Variants in ZZEF1 observed in about 807,000 individuals in gnomAD.
The protein encoded by ZZEF1 is zinc finger ZZ-type and EF-hand domain containing 1.
Under a neutral mutation model 342.8 loss-of-function variants are expected in ZZEF1, and 157 were observed. The ratio of observed to expected loss-of-function variants is 0.46; its 90% CI spans 0.40 to 0.52. The LOEUF (loss-of-function observed/expected upper bound fraction) is 0.52. Ranked by LOEUF, ZZEF1 falls within the 20% of genes least tolerant of loss-of-function variation. ZZEF1 has a pLI of 0.00. For synonymous variants in ZZEF1, 1,505 were observed against 1,429.1 expected (o/e 1.05, Z -1.20); for missense variants, 3,480 against 3,725.6 (o/e 0.93, Z 1.72).
chr17:4,098,826 T>C (rs16953702), intron 9 of ZZEF1, among the ~76,000 whole-genome samples: 2,162 of 152,328 alleles, frequency 0.014, 51 homozygotes, highest in African/African-American at 0.05. Flanking sequence ...ATGATCTAGT[T>C]CTATGAAAGA....
intron 52 of ZZEF1, among the ~76,000 whole-genome samples, chr17:4,012,051 C>T (rs944829584): frequency 3.3e-5 from 5 of 152,220 alleles, no homozygotes; most frequent in African/African-American, 4.8e-5. Context: ...GCGGGATTGT[C>T]CCCACTGGAA....
At position 4,070,601 on chromosome 17, in the gene ZZEF1, T is replaced by C. The variant is rs949179064; in HGVS notation, c.4075+83A>G. On this transcript the variant is annotated intron_variant, in intron 26 of 54. Coordinates refer to ENST00000381638, the MANE Select transcript of ZZEF1 (RefSeq NM_015113.4). Reference sequence around the variant, plus strand: ...AGAAATGTGTTTATATTTTAAAATATTTTAAATGTTCACTTAAGATAGGCT... The same window carrying C: ...AGAAATGTGTTTATATTTTAAAATACTTTAAATGTTCACTTAAGATAGGCT... The C allele has an allele frequency of 6.8e-5, 97 of 1,435,690 alleles. No homozygotes were observed. Among genetic ancestry groups the C allele is most frequent in the Non-Finnish European group, 8.1e-5 (86 of 1,062,902 alleles). 88.9% of individuals were successfully genotyped at this position (1,435,690 alleles called of 1,614,324 possible).
In ZZEF1 at chr17:4,064,797, G is replaced by T; in HGVS notation, c.4282C>A (p.Leu1428Ile). ...CTTATGCCCGTGGGCAGAAATTTTAGTAATAGAAGACTCTTCTCAATGCAC... is the reference window on the plus strand; with the variant it reads ...CTTATGCCCGTGGGCAGAAATTTTATTAATAGAAGACTCTTCTCAATGCAC... ...KECIEKSLLL[L>I]KFLPTGISSK... is the part of the protein sequence containing the mutation. Residue 1428 changes from leucine to isoleucine, a missense_variant, in exon 29 of 55, where the codon CTA (leucine) becomes ATA (isoleucine). Physicochemically the swap from Leu to Ile is conservative, Grantham distance 5 (BLOSUM62 2). This residue lies in a region of ZZEF1 where 1,528 missense variants were observed against 1,624.1 expected (regional missense o/e 0.94). Coordinates refer to ENST00000381638, the MANE Select transcript of ZZEF1 (RefSeq NM_015113.4). The T allele has an allele frequency of 6.5e-7, 1 of 1,533,716 alleles. No individual in the cohort carries two copies. Among genetic ancestry groups the T allele is most frequent in the Non-Finnish European group, 8.8e-7 (1 of 1,132,040 alleles).
chr17:4,012,043 G>A (rs1474424931), intron 52 of ZZEF1, among the ~76,000 whole-genome samples: 1 of 152,222 alleles, frequency 6.6e-6, no homozygotes, highest in Non-Finnish European at 1.5e-5. Flanking sequence ...CAGAGGGTGC[G>A]GGATTGTCCC....
chr17:4,049,189 T>C (rs1255159798), intron 37 of ZZEF1, among the ~76,000 whole-genome samples: 1 of 152,124 alleles, frequency 6.6e-6, no homozygotes. Context: ...ATGTTACAAG[T>C]ATATCATCAT....
At chr17:4,018,761 C>A (rs1272535113) in intron 46 of ZZEF1, among the ~76,000 whole-genome samples, 1 of 152,108 alleles carries the variant, frequency 6.6e-6, no homozygotes, top group East Asian at 1.9e-4. Flanking sequence ...TGTGCTGATG[C>A]CCCTGGGTTC....
chr17:4,043,249 G>A (rs1427482082), intron 38 of ZZEF1, among the ~76,000 whole-genome samples: 1 of 152,158 alleles, frequency 6.6e-6, no homozygotes, highest in Non-Finnish European at 1.5e-5. Context: ...AGCACCTAGA[G>A]GTGTTTCTGG....
Position 4,096,794 on chromosome 17 carries a change from T to C in ZZEF1, c.1673-94A>G, listed in dbSNP as rs1375947396. 8 of 1,003,798 alleles carry C rather than the reference T, an allele frequency of 8.0e-6. No homozygotes were observed. The Admixed American group carries it at 1.1e-4, about 14-fold the overall frequency. 62.2% of individuals were successfully genotyped at this position (1,003,798 alleles called of 1,614,324 possible). On this transcript the variant is annotated intron_variant, in intron 9 of 54. Coordinates refer to ENST00000381638, the MANE Select transcript of ZZEF1 (RefSeq NM_015113.4). Reference sequence around the variant, plus strand: ...AAAACAAACCATATCCTTTGAGTCATGGGGGGTAACTGGTCTGATATCTTC... The same window carrying C: ...AAAACAAACCATATCCTTTGAGTCACGGGGGGTAACTGGTCTGATATCTTC...
At chr17:4,076,589 C>G in intron 21 of ZZEF1, 48 bp downstream of exon 21, 1 of 1,577,642 alleles carries the variant, frequency 6.3e-7, no homozygotes, top group Non-Finnish European at 8.6e-7. Context: ...TGTGTCCCAT[C>G]ACTCCTGAGA....
At chr17:4,132,308 G>T (rs140525316) in intron 1 of ZZEF1, among the ~76,000 whole-genome samples, 1 of 151,036 alleles carries the variant, frequency 6.6e-6, no homozygotes, top group Non-Finnish European at 1.5e-5. Context: ...CTCAGCCTCC[G>T]AAGTAGCTGG....
Position 4,021,302 on chromosome 17 carries a change from A to G in ZZEF1, c.7231T>C (p.Tyr2411His). 1 of 1,609,446 alleles carries G rather than the reference A, an allele frequency of 6.2e-7. No individual in the cohort carries two copies. The change falls in exon 45 of 55, where the codon TAC (tyrosine) becomes CAC (histidine). Residue 2411 changes from tyrosine (Y) to histidine (H), a missense_variant. This residue lies in a region of ZZEF1 where 1,269 missense variants were observed against 1,342.4 expected (regional missense o/e 0.95). Transcript: ENST00000381638. ...GCGTTGATCTCCTTTTTTGAGGAGTACAGCATGATGGACAAAATCTACACA... is the reference window on the plus strand; with the variant it reads ...GCGTTGATCTCCTTTTTTGAGGAGTGCAGCATGATGGACAAAATCTACACA... ...RDLEILSIMLYSSKKEINALA... is the reference protein window; with the variant it reads ...RDLEILSIMLHSSKKEINALA...
Position 4,025,105 on chromosome 17 carries a change from C to T in ZZEF1, c.6906G>A (p.Gln2302=). 1 of 1,614,120 alleles carries T rather than the reference C, an allele frequency of 6.2e-7. No homozygotes were observed. Among genetic ancestry groups the T allele is most frequent in the Non-Finnish European group, 8.5e-7 (1 of 1,180,030 alleles). ...CTTGTCCTCCTCCCTTCTGGACCAG[C>T]TGGTAGTCCTTCACTGAAGGGTGAC... ...TRKRKTVKDY[Q]LVQKGGGQEC... is the part of the protein sequence containing the mutation. Residue 2302 remains glutamine (Q), a synonymous_variant, in exon 43 of 55, where the codon CAG becomes CAA. Transcript: ENST00000381638.
chr17:4,040,969 AGAGGCAGCT>A (rs1362874730), intron 39 of ZZEF1, among the ~76,000 whole-genome samples: 1 of 152,228 alleles, frequency 6.6e-6, no homozygotes, highest in Non-Finnish European at 1.5e-5. Flanking sequence ...TAATTGACAC[AGAGGCAGCT>A]GAGGCAGCTA....
intron 6 of ZZEF1, 58 bp downstream of exon 6, chr17:4,109,595 G>A (rs1834033066): frequency 1.3e-6 from 2 of 1,562,468 alleles, no homozygotes; most frequent in African/African-American, 2.7e-5. Context: ...ACGCCCTAAA[G>A]GATGATGGGA....
chr17:4,131,633 T>G (rs2058663747), intron 1 of ZZEF1, among the ~76,000 whole-genome samples: 1 of 151,662 alleles, frequency 6.6e-6, no homozygotes, highest in Non-Finnish European at 1.5e-5. Context: ...TACAAAAATT[T>G]GCCAGGCGTG....
At chr17:4,107,639 C>CA (rs1378359961) in intron 6 of ZZEF1, among the ~76,000 whole-genome samples, 1 of 152,116 alleles carries the variant, frequency 6.6e-6, no homozygotes, top group Non-Finnish European at 1.5e-5. Flanking sequence ...GGTGTCCATG[C>CA]AAGGGCAGGG....
intron 33 of ZZEF1, 63 bp from the exon 34 acceptor site, chr17:4,054,258 C>A: frequency 6.5e-7 from 1 of 1,540,546 alleles, no homozygotes; most frequent in South Asian, 1.2e-5. Flanking sequence ...ATTCACTAAT[C>A]AATTCCTCCA....
Position 4,021,110 on chromosome 17 carries a change from A to T in ZZEF1, c.7404+19T>A, listed in dbSNP as rs539929829. 8 of 1,579,030 alleles carry T rather than the reference A, an allele frequency of 5.1e-6. No homozygotes were observed. The South Asian group carries it at 9.2e-5, about 18-fold the overall frequency. On this transcript the variant is annotated intron_variant, in intron 45 of 54. Coordinates refer to ENST00000381638, the MANE Select transcript of ZZEF1 (RefSeq NM_015113.4). ...CCTCAGAAGCCCCTCCTAAGCCACA[A>T]GATGACTCAAGAACACACCAAGAAA...
chr17:4,019,825 T>G, intron 45 of ZZEF1, 56 bp from the exon 46 acceptor site: 11 of 1,341,946 alleles, frequency 8.2e-6, no homozygotes, highest in Non-Finnish European at 1.1e-5. Flanking sequence ...CAATACGGTA[T>G]TGATCAACTG....
Sources: gnomAD v4.1 joint callset for allele counts (sites outside exome capture counted in the v4.1 genomes callset) on GRCh38, gnomAD v4.1.1 for gene constraint, gnomAD v4.1.1 regional missense constraint, MANE v1.5 for transcripts, NCBI Gene and HGNC (gene_info 2026-07-23, HGNC 2026-07-21) for gene names.